The following ANO4 variants were observed in gnomAD, a reference collection of about 807,000 sequenced individuals.
ANO4 encodes anoctamin 4, also known as anoctamin-4.
A neutral mutation model predicts 141.9 loss-of-function variants in ANO4; 69 were observed. That is an observed-to-expected ratio of 0.49 (90% CI 0.40 to 0.59). The LOEUF is 0.59. Ranked by LOEUF, ANO4 falls within the 20% of genes least tolerant of loss-of-function variation. ANO4 has a pLI of 0.00. For missense variants in ANO4, 894 were observed against 1,162.2 expected (o/e 0.77, Z 3.36); for synonymous variants, 350 against 394.3 (o/e 0.89, Z 1.33).
At chr12:101,005,932 T>A (rs977842669) in intron 8 of ANO4, among the ~76,000 whole-genome samples, 1 of 152,156 alleles carries the variant, frequency 6.6e-6, no homozygotes, top group African/African-American at 2.4e-5. Context: ...TGCCTCCTCC[T>A]CTTCTTCCAG....
At chr12:100,851,205 A>G (rs1393771267) in intron 1 of ANO4, among the ~76,000 whole-genome samples, 1 of 152,194 alleles carries the variant, frequency 6.6e-6, no homozygotes, top group East Asian at 1.9e-4. Context: ...TGTCCATATC[A>G]TATATTCTTT....
In ANO4 at chr12:101,097,963, A is replaced by T. The variant is rs1260840144; in HGVS notation, c.2006+18A>T. 2 of 1,600,848 alleles carry T rather than the reference A, an allele frequency of 1.2e-6. No homozygotes were observed. Among genetic ancestry groups the T allele is most frequent in the Non-Finnish European group, 1.7e-6 (2 of 1,168,808 alleles). ...GGCTACCCGTAAGTACCTTAGTATCAATAATTGAGAGGCAGCATTGCTCAT... is the reference window on the plus strand; with the variant it reads ...GGCTACCCGTAAGTACCTTAGTATCTATAATTGAGAGGCAGCATTGCTCAT... On this transcript the variant is annotated intron_variant, in intron 21 of 27. Coordinates refer to ENST00000392977, the MANE Select transcript of ANO4 (RefSeq NM_001286615.2).
intron 3 of ANO4, among the ~76,000 whole-genome samples, chr12:100,756,699 C>T (rs978428361): frequency 6.6e-6 from 1 of 152,112 alleles, no homozygotes; most frequent in Non-Finnish European, 1.5e-5. Context: ...GATATTTCAA[C>T]TCTTGGGAGA....
intron 3 of ANO4, among the ~76,000 whole-genome samples, chr12:100,938,207 C>G (rs957215904): frequency 6.6e-6 from 1 of 152,202 alleles, no homozygotes; most frequent in South Asian, 2.1e-4. Context: ...TAGATCATCT[C>G]TATTCTCTCT....
At chr12:100,967,745 C>A (rs1164974089) in intron 5 of ANO4, among the ~76,000 whole-genome samples, 2 of 152,070 alleles carry the variant, frequency 1.3e-5, no homozygotes, top group Non-Finnish European at 2.9e-5. Context: ...TGAAGGAAAG[C>A]CTCTTTATTT....
chr12:100,972,963 A>G (rs1463543857), intron 6 of ANO4, among the ~76,000 whole-genome samples: 2 of 152,218 alleles, frequency 1.3e-5, no homozygotes, highest in South Asian at 2.1e-4. Context: ...CTGCATGCCT[A>G]CTACACAGCA....
intron 1 of ANO4, among the ~76,000 whole-genome samples, chr12:100,876,856 C>A (rs1353295816): frequency 3.9e-5 from 6 of 152,142 alleles, no homozygotes; most frequent in African/African-American, 7.2e-5. Context: ...ATTACTTTAG[C>A]TATGTAATAT....
At chr12:101,053,916 G>A (rs1442881925) in intron 14 of ANO4, among the ~76,000 whole-genome samples, 1 of 152,190 alleles carries the variant, frequency 6.6e-6, no homozygotes, top group African/African-American at 2.4e-5. Context: ...ATCCGGGAAG[G>A]GACATCATCA....
chr12:101,038,700 CCTT>C (rs1199017247), intron 10 of ANO4: 1 of 152,126 alleles, frequency 6.6e-6, no homozygotes, highest in Non-Finnish European at 1.5e-5. Flanking sequence ...GGTGAAACCT[CCTT>C]AAGTCACACA....
intron 2 of ANO4, among the ~76,000 whole-genome samples, chr12:100,738,311 G>A (rs963151185): frequency 6.6e-6 from 1 of 152,084 alleles, no homozygotes; most frequent in Non-Finnish European, 1.5e-5. Flanking sequence ...TTGGATGGTT[G>A]TCTCTTCAAA....
intron 1 of ANO4, among the ~76,000 whole-genome samples, chr12:100,890,046 CATA>C (rs991529783): frequency 1.1e-4 from 17 of 152,014 alleles, no homozygotes; most frequent in African/African-American, 3.4e-4. Flanking sequence ...TTACTATAAT[CATA>C]ATTATTATAG....
chr12:101,119,556 G>A (rs2050997350), intron 25 of ANO4, among the ~76,000 whole-genome samples: 1 of 152,020 alleles, frequency 6.6e-6, no homozygotes, highest in Non-Finnish European at 1.5e-5. Context: ...CTATTATACA[G>A]CAATAAAAAT....
At chr12:100,758,952 A>ACTTAAAATCCAT (rs2135519771) in intron 3 of ANO4, among the ~76,000 whole-genome samples, 1 of 152,194 alleles carries the variant, frequency 6.6e-6, no homozygotes, top group South Asian at 2.1e-4. Context: ...CTGTCATTGG[A>ACTTAAAATCCAT]CTTAAAATCC....
At chr12:100,798,447 A>G (rs2034474442) in intron 1 of ANO4, among the ~76,000 whole-genome samples, 1 of 152,206 alleles carries the variant, frequency 6.6e-6, no homozygotes, top group Non-Finnish European at 1.5e-5. Flanking sequence ...GGAACTTGCA[A>G]TTCAATTGGC....
intron 10 of ANO4, chr12:101,039,074 A>C (rs992362679): frequency 6.6e-6 from 1 of 152,158 alleles, no homozygotes; most frequent in Non-Finnish European, 1.5e-5. Context: ...CACTTCTTCA[A>C]TGAGGAGGTT....
At chr12:100,870,682 CAAT>C (rs2038987961) in intron 1 of ANO4, among the ~76,000 whole-genome samples, 1 of 151,958 alleles carries the variant, frequency 6.6e-6, no homozygotes, top group African/African-American at 2.4e-5. Context: ...GACTGGAGGA[CAAT>C]AAGTAAACTT....
At position 101,028,505 on chromosome 12, in the gene ANO4, C is replaced by G. The variant is rs143692388; in HGVS notation, c.841+8365C>G. Among the ~76,000 whole-genome samples, 24 of 152,238 alleles carry G rather than the reference C, an allele frequency of 1.6e-4. No homozygotes were observed. The East Asian group carries it at 4.6e-3, about 29-fold the overall frequency. On this transcript the variant is annotated intron_variant, in intron 9 of 27. Coordinates refer to ENST00000392977, the MANE Select transcript of ANO4 (RefSeq NM_001286615.2). ...TAAATGACCCGATGGAGCTGAAAAA[C>G]ACAGCACAAGAACTTTGTGAAGCAT...
intron 5 of ANO4, 33 bp from the exon 6 acceptor site, chr12:100,971,273 A>C: frequency 1.4e-6 from 2 of 1,480,864 alleles, no homozygotes; most frequent in Non-Finnish European, 1.9e-6. Context: ...CCTTGAATAT[A>C]CTTTTCAATT....
intron 1 of ANO4, among the ~76,000 whole-genome samples, chr12:100,888,454 G>A (rs997455317): frequency 6.6e-6 from 1 of 152,262 alleles, no homozygotes; most frequent in Admixed American, 6.5e-5. Flanking sequence ...AGCCGCGCAA[G>A]AGCAGGAGCC....
Sources: allele counts gnomAD v4.1 joint callset (sites outside exome capture counted in the v4.1 genomes callset), GRCh38; gene constraint gnomAD v4.1.1; transcripts MANE v1.5; gene names NCBI Gene and HGNC (gene_info 2026-07-23, HGNC 2026-07-21).